Variants in INSC observed in about 807,000 individuals in gnomAD.
The protein encoded by INSC is protein inscuteable homolog.
In INSC, 67 loss-of-function variants were observed where a neutral mutation model predicts 58.6. The observed-to-expected ratio is 1.14, with a 90% CI of 0.94 to 1.40. The LOEUF is 1.40. Among genes scored for constraint, INSC ranks in the 40% most tolerant of loss-of-function variants. The probability of loss-of-function intolerance (pLI) is 0.00; values close to 1 mark genes in which losing one functional copy is unlikely to be tolerated. For synonymous variants in INSC, 262 were observed against 276.1 expected, an observed-to-expected ratio of 0.95 and a Z score of 0.51; for missense variants, 714 against 692.0, an observed-to-expected ratio of 1.03 and a Z score of -0.36.
intron 2 of INSC, among the ~76,000 whole-genome samples, chr11:15,171,887 T>C (rs753866471): frequency 6.6e-6 from 1 of 152,182 alleles, no homozygotes; most frequent in Non-Finnish European, 1.5e-5. Context: ...GGGCAAGGAA[T>C]TGGATTAGTG....
chr11:15,241,389 T>C (rs1852347380), intron 12 of INSC, among the ~76,000 whole-genome samples: 1 of 152,220 alleles, frequency 6.6e-6, no homozygotes, highest in African/African-American at 2.4e-5. Flanking sequence ...TTGTCTCTTT[T>C]CTGGGAGTTT....
chr11:15,264,077 C>T, the INSC span, among the ~76,000 whole-genome samples: 1 of 142,542 alleles, frequency 7.0e-6, no homozygotes, highest in South Asian at 2.3e-4. Flanking sequence ...CACCTGGATA[C>T]TCCAAGGTAC....
chr11:15,183,121 G>A (rs1013838859), intron 5 of INSC, among the ~76,000 whole-genome samples: 1 of 152,090 alleles, frequency 6.6e-6, no homozygotes, highest in African/African-American at 2.4e-5. Flanking sequence ...GCCGAGGCAG[G>A]CAGATCACCT....
At chr11:15,253,303 AGAAGT>A in the INSC span, among the ~76,000 whole-genome samples, 1 of 152,192 alleles carries the variant, frequency 6.6e-6, no homozygotes, top group Non-Finnish European at 1.5e-5. Context: ...GAAAAGAATA[AGAAGT>A]GAAGATCAAA....
At chr11:15,212,503 A>AAT in intron 7 of INSC, among the ~76,000 whole-genome samples, 1 of 152,250 alleles carries the variant, frequency 6.6e-6, no homozygotes, top group Non-Finnish European at 1.5e-5. Flanking sequence ...TGAACAGAGT[A>AAT]CATCTCTCTA....
intron 1 of INSC, among the ~76,000 whole-genome samples, chr11:15,116,973 T>G (rs779515543): frequency 3.4e-4 from 48 of 140,722 alleles, no homozygotes; most frequent in Non-Finnish European, 5.8e-4. Flanking sequence ...GATGGAGTCT[T>G]GCTCTATCGC....
At chr11:15,215,343 T>A (rs532583074) in intron 7 of INSC, among the ~76,000 whole-genome samples, 2 of 152,324 alleles carry the variant, frequency 1.3e-5, no homozygotes, top group Admixed American at 6.5e-5. Flanking sequence ...AGTGGGTGAT[T>A]TGGGGATGCA....
downstream of INSC, among the ~76,000 whole-genome samples, chr11:15,251,691 C>T (rs1426456735): frequency 1.3e-5 from 2 of 152,096 alleles, no homozygotes; most frequent in African/African-American, 4.8e-5. Context: ...ATCAAAATTG[C>T]AATGAGGTAC....
chr11:15,119,423 C>T (rs73414659), intron 1 of INSC, among the ~76,000 whole-genome samples: 1 of 152,148 alleles, frequency 6.6e-6, no homozygotes, highest in South Asian at 2.1e-4. Context: ...ATCTCCCCTC[C>T]CCCAGCTCCA....
chr11:15,229,645 T>C (rs1322500532), intron 9 of INSC, among the ~76,000 whole-genome samples: 1 of 151,734 alleles, frequency 6.6e-6, no homozygotes, highest in African/African-American at 2.4e-5. Flanking sequence ...TACCCAATAA[T>C]GAATGGGATG....
At chr11:15,140,020 A>G (rs1848331352) in intron 1 of INSC, among the ~76,000 whole-genome samples, 1 of 152,250 alleles carries the variant, frequency 6.6e-6, no homozygotes, top group Non-Finnish European at 1.5e-5. Flanking sequence ...CTGAGACACA[A>G]GGTGAAGACA....
chr11:15,209,611 C>T (rs1850942521), intron 7 of INSC, among the ~76,000 whole-genome samples: 1 of 152,154 alleles, frequency 6.6e-6, no homozygotes, highest in Admixed American at 6.5e-5. Flanking sequence ...CACCAAGAGA[C>T]ACTATCTCAC....
At chr11:15,116,900 C>T (rs1847735478) in intron 1 of INSC, among the ~76,000 whole-genome samples, 1 of 48,872 alleles carries the variant, frequency 2.0e-5, no homozygotes, top group Non-Finnish European at 4.0e-5. Context: ...TCCCTCCCTC[C>T]CTCCCTCCCT....
chr11:15,229,959 T>TA (rs1332890613), intron 9 of INSC, among the ~76,000 whole-genome samples: 251 of 13,016 alleles, frequency 0.019, 5 homozygotes, highest in East Asian at 0.06. Context: ...TATATATATA[T>TA]TTATATATAT....
intron 1 of INSC, among the ~76,000 whole-genome samples, chr11:15,139,103 T>C (rs936531270): frequency 2.6e-5 from 4 of 152,238 alleles, no homozygotes; most frequent in Non-Finnish European, 4.4e-5. Flanking sequence ...CTATGTCATT[T>C]TCCCAAGGGT....
chr11:15,261,707 G>C, the INSC span, among the ~76,000 whole-genome samples: 186 of 152,220 alleles, frequency 1.2e-3, no homozygotes, highest in African/African-American at 4.3e-3. Context: ...TTCAGCACTT[G>C]GTTCTAGCAC....
chr11:15,248,486 G>A (rs887208032), downstream of INSC, among the ~76,000 whole-genome samples: 1 of 152,120 alleles, frequency 6.6e-6, no homozygotes, highest in African/African-American at 2.4e-5. Context: ...AGAGATCAGG[G>A]GCCCTACTTT....
At position 15,160,465 on chromosome 11, in the gene INSC, G is replaced by A. The variant is rs1812465096; in HGVS notation, c.56+11235G>A. On this transcript the variant is annotated intron_variant, in intron 2 of 12. Coordinates refer to ENST00000379556, the MANE Select transcript of INSC (RefSeq NM_001042536.3). ...ATGTGTAGGGGCACACAGCTATCAA[G>A]AGGAGGGAGTGGGAGGAGGGCACAG... Among the ~76,000 whole-genome samples, 3 of 152,204 alleles carry A rather than the reference G, an allele frequency of 2.0e-5. No individual in the cohort carries two copies. The South Asian group carries it at 6.2e-4, about 31-fold the overall frequency.
chr11:15,112,435 G>A, upstream of INSC: 1 of 1,555,564 alleles, frequency 6.4e-7, no homozygotes, highest in Non-Finnish European at 8.7e-7. Context: ...GCCTCTGTAA[G>A]GAGACTTGGA....
Sources: gnomAD v4.1 joint callset for allele counts (sites outside exome capture counted in the v4.1 genomes callset) on GRCh38, gnomAD v4.1.1 for gene constraint, MANE v1.5 for transcripts, NCBI Gene and HGNC (gene_info 2026-07-23, HGNC 2026-07-21) for gene names.